Variants in CNTNAP2 observed in about 807,000 individuals in gnomAD.
The protein encoded by CNTNAP2 is contactin-associated protein-like 2.
CNTNAP2 carries 98 observed loss-of-function variants against 155.2 expected under a neutral mutation model. The observed-to-expected ratio is 0.63, with a 90% CI of 0.54 to 0.75. The LOEUF (loss-of-function observed/expected upper bound fraction) is 0.75, where lower values mean the gene tolerates loss of function less well. CNTNAP2 is among the 30% of genes least tolerant of loss of function. The probability of loss-of-function intolerance (pLI) is 0.00; values close to 1 mark genes in which losing one functional copy is unlikely to be tolerated. For synonymous variants in CNTNAP2, 651 were observed against 631.2 expected (o/e 1.03, Z -0.47); for missense variants, 1,727 against 1,688.1 (o/e 1.02, Z -0.40).
chr7:146,213,544 G>T (rs776930399), intron 1 of CNTNAP2, among the ~76,000 whole-genome samples: 1 of 152,134 alleles, frequency 6.6e-6, no homozygotes, highest in Non-Finnish European at 1.5e-5. Context: ...GGCAACTCAA[G>T]AAGTAATTTA....
At chr7:147,322,286 C>T (rs182131166) in intron 9 of CNTNAP2, among the ~76,000 whole-genome samples, 26 of 152,236 alleles carry the variant, frequency 1.7e-4, no homozygotes, top group African/African-American at 6.3e-4. Flanking sequence ...AGGTAAAGAT[C>T]TAAGTCTATG....
intron 5 of CNTNAP2, among the ~76,000 whole-genome samples, chr7:147,116,928 T>C (rs1444657687): frequency 6.6e-6 from 1 of 152,208 alleles, no homozygotes; most frequent in African/African-American, 2.4e-5. Flanking sequence ...GCCCACAGGC[T>C]GCAAAGGCCC....
intron 13 of CNTNAP2, among the ~76,000 whole-genome samples, chr7:147,857,001 G>C (rs1036282654): frequency 6.6e-6 from 1 of 152,184 alleles, no homozygotes; most frequent in African/African-American, 2.4e-5. Context: ...GCAGGAAAGG[G>C]AGAGACAGAG....
At chr7:146,991,936 T>C (rs1300844273) in intron 3 of CNTNAP2, among the ~76,000 whole-genome samples, 1 of 152,194 alleles carries the variant, frequency 6.6e-6, no homozygotes, top group Non-Finnish European at 1.5e-5. Context: ...GTATTGTTAC[T>C]GCTTGAATGA....
At chr7:148,054,810 A>G (rs1424114002) in intron 15 of CNTNAP2, among the ~76,000 whole-genome samples, 3 of 152,062 alleles carry the variant, frequency 2.0e-5, no homozygotes, top group African/African-American at 7.2e-5. Context: ...AGCCATGTAG[A>G]GTCCAGGTAA....
chr7:146,728,059 G>A (rs2642501), intron 1 of CNTNAP2, among the ~76,000 whole-genome samples: 5,116 of 152,170 alleles, frequency 0.034, 107 homozygotes, highest in Middle Eastern at 0.061. Flanking sequence ...AGCATCACGA[G>A]CATGCTCAGG....
rs900250622 is a variant in CNTNAP2 at position 146,637,020 on chromosome 7, G to A, written c.98-137251G>A. Among the ~76,000 whole-genome samples, 5 of 152,178 alleles carry A rather than the reference G, an allele frequency of 3.3e-5. No homozygotes were observed. In the East Asian group the frequency reaches 9.7e-4, roughly 29 times the overall value. On this transcript the variant is annotated intron_variant, in intron 1 of 23. Coordinates refer to ENST00000361727, the MANE Select transcript of CNTNAP2 (RefSeq NM_014141.6). ...TCTCTAAACTTCGCAAATCTAATAT[G>A]GTATTCACAATTTGGGCAATAATGT... is the stretch of plus-strand genomic sequence containing the variant.
chr7:147,444,530 T>TC (rs1339402171), intron 10 of CNTNAP2, among the ~76,000 whole-genome samples: 5 of 151,250 alleles, frequency 3.3e-5, no homozygotes, highest in East Asian at 3.8e-4. Context: ...ATTTTCTTTT[T>TC]TTTTTTTTTT....
chr7:147,954,891 G>A (rs1263209506), intron 14 of CNTNAP2, among the ~76,000 whole-genome samples: 2 of 152,164 alleles, frequency 1.3e-5, no homozygotes, highest in Non-Finnish European at 2.9e-5. Flanking sequence ...GATTTCTATA[G>A]TGATTTCACT....
In CNTNAP2 at chr7:147,211,280, A is replaced by G. The variant is rs1203119754; in HGVS notation, c.1348+78771A>G. ...GCTGTCTAGTTCTTTTCATAGGTCT[A>G]GAAGTACTTGTTTTATGAATCTGGG... On this transcript the variant is annotated intron_variant, in intron 8 of 23. Transcript: ENST00000361727. Among the ~76,000 whole-genome samples, 4 of 152,030 alleles carry G rather than the reference A, an allele frequency of 2.6e-5. 1 individual carries two copies. The highest frequency in any genetic ancestry group is 4.1e-4 in the South Asian group (2 of 4,822).
At chr7:147,992,156 G>A (rs537655101) in intron 15 of CNTNAP2, among the ~76,000 whole-genome samples, 16 of 141,770 alleles carry the variant, frequency 1.1e-4, no homozygotes, top group East Asian at 2.2e-4. Context: ...GTGCAGTGGC[G>A]TGATCTCGGC....
intron 13 of CNTNAP2, among the ~76,000 whole-genome samples, chr7:147,666,296 C>T (rs558746633): frequency 8.7e-4 from 132 of 152,238 alleles, no homozygotes; most frequent in Non-Finnish European, 1.4e-3. Flanking sequence ...ACAAGGCACA[C>T]GTGTGACGGT....
rs188303615 is a variant in CNTNAP2, at chr7:146,749,166, G to A, written c.98-25105G>A. Reference sequence around the variant, plus strand: ...TACATGTACATGGATACATGTATGCGTATGTGTATCTTTACTAAATATGTA... The same window carrying A: ...TACATGTACATGGATACATGTATGCATATGTGTATCTTTACTAAATATGTA... On this transcript the variant is annotated intron_variant, in intron 1 of 23. Transcript: ENST00000361727. Among the ~76,000 whole-genome samples the A allele has an allele frequency of 2.8e-3, 430 of 151,904 alleles. 3 individuals are homozygous for A. Among genetic ancestry groups the A allele is most frequent in the African/African-American group, 9.4e-3 (390 of 41,424 alleles).
intron 1 of CNTNAP2, among the ~76,000 whole-genome samples, chr7:146,595,538 A>G (rs922681036): frequency 2.0e-5 from 3 of 152,056 alleles, no homozygotes; most frequent in African/African-American, 7.2e-5. Flanking sequence ...ATAAATTTCA[A>G]TATCTTATAC....
intron 21 of CNTNAP2, among the ~76,000 whole-genome samples, chr7:148,301,110 A>G (rs1341752426): frequency 1.3e-5 from 2 of 151,914 alleles, no homozygotes; most frequent in Admixed American, 1.3e-4. Context: ...CCTGACTAAC[A>G]TGGTGAAACC....
At chr7:147,686,385 T>C (rs968957509) in intron 13 of CNTNAP2, among the ~76,000 whole-genome samples, 27 of 152,102 alleles carry the variant, frequency 1.8e-4, no homozygotes, top group African/African-American at 4.6e-4. Context: ...CTTGAAGTTT[T>C]AAATTCAAAA....
intron 3 of CNTNAP2, among the ~76,000 whole-genome samples, chr7:146,942,090 C>A (rs1022026041): frequency 5.3e-5 from 8 of 151,946 alleles, no homozygotes; most frequent in Non-Finnish European, 2.9e-5. Flanking sequence ...GCTTTCTATT[C>A]TTTTAATATT....
At chr7:147,592,724 A>C (rs767261638) in intron 12 of CNTNAP2, among the ~76,000 whole-genome samples, 6 of 152,210 alleles carry the variant, frequency 3.9e-5, no homozygotes, top group Non-Finnish European at 8.8e-5. Context: ...CAAGAACAAA[A>C]AAATGCATAA....
chr7:148,059,590 CA>C (rs200397254), intron 15 of CNTNAP2, among the ~76,000 whole-genome samples: 10,078 of 72,690 alleles, frequency 0.14, 410 homozygotes, highest in South Asian at 0.28. Context: ...AACTCTGTCT[CA>C]AAAAAAAAAA....
Sources: gnomAD v4.1 joint callset for allele counts (sites outside exome capture counted in the v4.1 genomes callset) on GRCh38, gnomAD v4.1.1 for gene constraint, MANE v1.5 for transcripts, NCBI Gene and HGNC (gene_info 2026-07-23, HGNC 2026-07-21) for gene names.